The following GABRB3 variants were observed in gnomAD, a reference collection of about 807,000 sequenced individuals.
The protein encoded by GABRB3 is gamma-aminobutyric acid type A receptor subunit beta3.
A neutral mutation model predicts 52.1 loss-of-function variants in GABRB3; 14 were observed. That is an observed-to-expected ratio of 0.27 (90% confidence interval 0.18 to 0.42). The LOEUF (loss-of-function observed/expected upper bound fraction) is 0.42. Among genes scored for constraint, GABRB3 ranks in the 10% least tolerant of loss-of-function variants. The pLI is 1.00. For synonymous variants in GABRB3, 260 were observed against 232.3 expected (o/e 1.12, Z -1.08); for missense variants, 307 against 609.1 (o/e 0.50, Z 5.22).
intron 6 of GABRB3, among the ~76,000 whole-genome samples, chr15:26,578,035 C>T (rs1350540910): frequency 6.6e-6 from 1 of 152,174 alleles, no homozygotes; most frequent in African/African-American, 2.4e-5. Flanking sequence ...GACCCTCTTG[C>T]CTTGATCTCC....
At chr15:26,644,663 C>T (rs984973605) in intron 3 of GABRB3, among the ~76,000 whole-genome samples, 2 of 152,178 alleles carry the variant, frequency 1.3e-5, no homozygotes, top group African/African-American at 2.4e-5. Context: ...GGTACATTGC[C>T]ATGGCAGCCC....
chr15:26,759,440 T>C (rs1006622114), intron 3 of GABRB3, among the ~76,000 whole-genome samples: 3 of 152,138 alleles, frequency 2.0e-5, no homozygotes, highest in Non-Finnish European at 4.4e-5. Flanking sequence ...TTTGTATTTT[T>C]AGTAGAGACG....
intron 4 of GABRB3, among the ~76,000 whole-genome samples, chr15:26,593,957 C>T (rs867259423): frequency 7.5e-6 from 1 of 132,954 alleles, no homozygotes; most frequent in South Asian, 2.7e-4. Flanking sequence ...TTGATTTTGA[C>T]AACATTTGTT....
intron 3 of GABRB3, among the ~76,000 whole-genome samples, chr15:26,625,741 T>C (rs1005767929): frequency 6.6e-6 from 1 of 152,196 alleles, no homozygotes; most frequent in Admixed American, 6.5e-5. Context: ...ACAGCCAAGC[T>C]GGCCACTCTG....
At chr15:26,600,289 G>C (rs1467683665) in intron 4 of GABRB3, among the ~76,000 whole-genome samples, 1 of 151,900 alleles carries the variant, frequency 6.6e-6, no homozygotes, top group African/African-American at 2.4e-5. Context: ...AGGATTTGCA[G>C]AAGTAGAAGA....
At chr15:26,675,282 A>ACTGAAGAGT (rs1175608210) in intron 3 of GABRB3, among the ~76,000 whole-genome samples, 1 of 152,208 alleles carries the variant, frequency 6.6e-6, no homozygotes, top group Non-Finnish European at 1.5e-5. Context: ...GCCCTGTTCT[A>ACTGAAGAGT]CTGAAGAGTG....
At chr15:26,678,563 T>TGAGA (rs541862935) in intron 3 of GABRB3, among the ~76,000 whole-genome samples, 2 of 133,194 alleles carry the variant, frequency 1.5e-5, no homozygotes, top group African/African-American at 2.8e-5. Flanking sequence ...AGAATGAGAG[T>TGAGA]GAGAGAGAGA....
intron 3 of GABRB3, among the ~76,000 whole-genome samples, chr15:26,628,154 G>A (rs1892778130): frequency 6.6e-6 from 1 of 152,228 alleles, no homozygotes; most frequent in African/African-American, 2.4e-5. Flanking sequence ...ACAATTAATA[G>A]ACTACAATGT....
chr15:26,750,738 T>C (rs188942055), intron 3 of GABRB3, among the ~76,000 whole-genome samples: 2 of 152,308 alleles, frequency 1.3e-5, no homozygotes, highest in Non-Finnish European at 2.9e-5. Flanking sequence ...AACTCATAAA[T>C]AGTAGAAAAC....
At chr15:26,655,551 G>T (rs900330305) in intron 3 of GABRB3, among the ~76,000 whole-genome samples, 1 of 152,070 alleles carries the variant, frequency 6.6e-6, no homozygotes, top group Non-Finnish European at 1.5e-5. Context: ...GACCATCCTG[G>T]CTAACACGGT....
chr15:26,709,026 A>T (rs1889198746), intron 3 of GABRB3, among the ~76,000 whole-genome samples: 1 of 152,230 alleles, frequency 6.6e-6, no homozygotes, highest in Non-Finnish European at 1.5e-5. Flanking sequence ...CTACTAAAAG[A>T]TCATATGGAT....
intron 3 of GABRB3, among the ~76,000 whole-genome samples, chr15:26,645,888 G>T (rs930107773): frequency 6.6e-6 from 1 of 151,772 alleles, no homozygotes; most frequent in Non-Finnish European, 1.5e-5. Flanking sequence ...GCCTCCCAAT[G>T]GTCTTTGTAG....
At chr15:26,709,711 G>A (rs1294719531) in intron 3 of GABRB3, among the ~76,000 whole-genome samples, 5 of 151,722 alleles carry the variant, frequency 3.3e-5, no homozygotes, top group African/African-American at 1.2e-4. Flanking sequence ...TAGAGACAGG[G>A]TTTCACCCTG....
chr15:26,742,004 G>A (rs541215387), intron 3 of GABRB3, among the ~76,000 whole-genome samples: 1 of 152,224 alleles, frequency 6.6e-6, no homozygotes, highest in African/African-American at 2.4e-5. Context: ...TATTTTCGGA[G>A]GAAAATCCTC....
intron 3 of GABRB3, among the ~76,000 whole-genome samples, chr15:26,755,002 C>CA: frequency 8.7e-6 from 1 of 114,750 alleles, no homozygotes; most frequent in Non-Finnish European, 1.7e-5. Context: ...GAGCCTCTAA[C>CA]AACTTTTTTT....
chr15:26,713,186 C>T (rs1210339493), intron 3 of GABRB3, among the ~76,000 whole-genome samples: 1 of 152,126 alleles, frequency 6.6e-6, no homozygotes, highest in Non-Finnish European at 1.5e-5. Context: ...CTCCTGAGAG[C>T]GGCTGAGGCA....
chr15:26,727,978 T>C lies in GABRB3; in HGVS notation c.240+44424A>G, dbSNP rs139653422. 5.3e-5 allele frequency among the ~76,000 whole-genome samples: 8 copies of C among 152,324 alleles called. No individual in the cohort carries two copies. In the East Asian group the frequency reaches 1.5e-3, roughly 29 times the overall value. On this transcript the variant is annotated intron_variant, in intron 3 of 8. Transcript: ENST00000311550. The stretch of plus-strand genomic sequence containing the variant: ...GAGAGAAACTAAAATCCTTACTAAC[T>C]AGAATACAATACTTGAGAGGAGCTG...
intron 3 of GABRB3, among the ~76,000 whole-genome samples, chr15:26,655,611 G>C (rs145680138): frequency 2.0e-5 from 3 of 152,056 alleles, no homozygotes; most frequent in Non-Finnish European, 4.4e-5. Flanking sequence ...GCGTGGTGGC[G>C]GGCGCCTGTA....
intron 4 of GABRB3, chr15:26,614,421 T>C (rs980664313): frequency 2.0e-5 from 3 of 152,128 alleles, no homozygotes; most frequent in Non-Finnish European, 4.4e-5. Flanking sequence ...AGAAAATGGA[T>C]AGATTACTTG....
Sources: allele counts gnomAD v4.1 joint callset (sites outside exome capture counted in the v4.1 genomes callset), GRCh38; gene constraint gnomAD v4.1.1; transcripts MANE v1.5; gene names NCBI Gene and HGNC (gene_info 2026-07-23, HGNC 2026-07-21).